The following AUH variants were observed in gnomAD, a reference collection of about 807,000 sequenced individuals.
AUH encodes the protein methylglutaconyl-CoA hydratase, mitochondrial.
A neutral mutation model predicts 42.3 loss-of-function variants in AUH; 29 were observed. The ratio of observed to expected loss-of-function variants is 0.69; its 90% CI spans 0.51 to 0.93. AUH has a LOEUF of 0.93. AUH is among the 40% of genes least tolerant of loss of function. The pLI is 0.00. For synonymous variants in AUH, 174 were observed against 166.4 expected, an observed-to-expected ratio of 1.05 and a Z score of -0.35; for missense variants, 452 against 438.1, an observed-to-expected ratio of 1.03 and a Z score of -0.28.
chr9:91,299,164 A>G (rs1207538391), intron 4 of AUH, among the ~76,000 whole-genome samples: 1 of 152,202 alleles, frequency 6.6e-6, no homozygotes, highest in Non-Finnish European at 1.5e-5. Flanking sequence ...GATTGCAGTG[A>G]GCCAAGATCG....
At chr9:91,249,258 CTGCACTCTT>C (rs1828974968) in intron 6 of AUH, among the ~76,000 whole-genome samples, 1 of 133,770 alleles carries the variant, frequency 7.5e-6, no homozygotes, top group Non-Finnish European at 1.5e-5. Flanking sequence ...GATTGCACCA[CTGCACTCTT>C]GCCTGGGCGA....
intron 3 of AUH, among the ~76,000 whole-genome samples, chr9:91,354,010 T>C (rs1347912002): frequency 1.4e-5 from 2 of 148,016 alleles, no homozygotes; most frequent in East Asian, 2.0e-4. Context: ...CTAGCAAAAA[T>C]ACAAAAATTT....
At chr9:91,317,289 A>G (rs1354125572) in intron 4 of AUH, among the ~76,000 whole-genome samples, 1 of 152,204 alleles carries the variant, frequency 6.6e-6, no homozygotes, top group Non-Finnish European at 1.5e-5. Flanking sequence ...GAATTACACC[A>G]TTTGTGAGAA....
At chr9:91,288,836 A>G (rs1047737624) in intron 6 of AUH, among the ~76,000 whole-genome samples, 22 of 152,202 alleles carry the variant, frequency 1.4e-4, no homozygotes, top group African/African-American at 5.1e-4. Flanking sequence ...TAAAAACTAC[A>G]TGATAGCAGT....
chr9:91,283,654 C>T (rs1416677266), intron 6 of AUH, among the ~76,000 whole-genome samples: 4 of 152,090 alleles, frequency 2.6e-5, no homozygotes, highest in African/African-American at 9.7e-5. Flanking sequence ...CACAAGCATT[C>T]CTATACACCA....
chr9:91,274,271 C>T (rs1437950522), intron 6 of AUH, among the ~76,000 whole-genome samples: 1 of 152,136 alleles, frequency 6.6e-6, no homozygotes, highest in African/African-American at 2.4e-5. Context: ...AAGCACCTAT[C>T]ATGTAATGAG....
chr9:91,248,452 T>C (rs1049582055), intron 6 of AUH, among the ~76,000 whole-genome samples: 4 of 152,154 alleles, frequency 2.6e-5, no homozygotes, highest in Non-Finnish European at 5.9e-5. Context: ...CTAACAATAT[T>C]GGATTTTAGA....
At chr9:91,309,779 T>G (rs1258106377) in intron 4 of AUH, among the ~76,000 whole-genome samples, 1 of 152,180 alleles carries the variant, frequency 6.6e-6, no homozygotes, top group Non-Finnish European at 1.5e-5. Context: ...TACATGCATG[T>G]AACAAACCTG....
chr9:91,286,167 G>A (rs1380282219), intron 6 of AUH, among the ~76,000 whole-genome samples: 2 of 152,050 alleles, frequency 1.3e-5, no homozygotes, highest in Non-Finnish European at 2.9e-5. Flanking sequence ...CTTCTAAAAG[G>A]ATCTCAACAA....
intron 1 of AUH, among the ~76,000 whole-genome samples, chr9:91,356,935 C>T (rs961511514): frequency 6.6e-6 from 1 of 152,162 alleles, no homozygotes; most frequent in Non-Finnish European, 1.5e-5. Context: ...ATCAGAAATA[C>T]CTTCCACTGA....
chr9:91,238,740 A>G (rs1828331884), intron 6 of AUH, among the ~76,000 whole-genome samples: 1 of 152,244 alleles, frequency 6.6e-6, no homozygotes, highest in African/African-American at 2.4e-5. Flanking sequence ...CTTAAAACAC[A>G]ACTTACTTTG....
chr9:91,342,995 ATT>A (rs903237736), intron 3 of AUH: 54 of 152,222 alleles, frequency 3.5e-4, no homozygotes, highest in African/African-American at 1.3e-3. Context: ...TCTTAGTAAC[ATT>A]TTCTTTTCTT....
intron 6 of AUH, among the ~76,000 whole-genome samples, chr9:91,279,438 G>C (rs1026978871): frequency 1.3e-5 from 2 of 152,152 alleles, no homozygotes; most frequent in Non-Finnish European, 1.5e-5. Flanking sequence ...AATTTATAAA[G>C]AAAAGAGGTT....
chr9:91,228,187 C>T (rs1447147924), intron 6 of AUH, among the ~76,000 whole-genome samples: 6 of 152,088 alleles, frequency 3.9e-5, no homozygotes, highest in African/African-American at 1.4e-4. Flanking sequence ...TGGTCCTGGA[C>T]TCTTTTTGGT....
intron 1 of AUH, among the ~76,000 whole-genome samples, chr9:91,361,274 T>C (rs1832829895): frequency 6.6e-6 from 1 of 152,164 alleles, no homozygotes; most frequent in South Asian, 2.1e-4. Flanking sequence ...CAGAAAGCCA[T>C]TACACAGCAA....
chr9:91,279,942 T>C (rs1825834237), intron 6 of AUH, among the ~76,000 whole-genome samples: 1 of 152,190 alleles, frequency 6.6e-6, no homozygotes, highest in African/African-American at 2.4e-5. Context: ...AACTCTATTA[T>C]TCCAAATCAG....
chr9:91,227,867 G>A (rs1399657993), intron 6 of AUH, among the ~76,000 whole-genome samples: 27 of 151,674 alleles, frequency 1.8e-4, no homozygotes, highest in African/African-American at 4.8e-4. Context: ...ATTGATTTGC[G>A]TATATTGAAC....
intron 6 of AUH, among the ~76,000 whole-genome samples, chr9:91,228,447 T>C (rs1256909453): frequency 2.0e-5 from 3 of 147,796 alleles, no homozygotes; most frequent in African/African-American, 7.5e-5. Flanking sequence ...TCTCTCTTTT[T>C]TTCTTTATTA....
intron 6 of AUH, among the ~76,000 whole-genome samples, chr9:91,241,629 C>G (rs1828526365): frequency 6.6e-6 from 1 of 152,022 alleles, no homozygotes; most frequent in African/African-American, 2.4e-5. Flanking sequence ...GTCTTGATTA[C>G]ATTATTTTAA....
Sources: gnomAD v4.1 joint callset for allele counts (sites outside exome capture counted in the v4.1 genomes callset) on GRCh38, gnomAD v4.1.1 for gene constraint, MANE v1.5 for transcripts, NCBI Gene and HGNC (gene_info 2026-07-23, HGNC 2026-07-21) for gene names.